Variants in PCLO observed in about 807,000 individuals in gnomAD.
PCLO encodes the protein piccolo presynaptic cytomatrix protein, also known as protein piccolo.
PCLO carries 82 observed loss-of-function variants against 427.5 expected under a neutral mutation model. That is an observed-to-expected ratio of 0.19 (90% CI 0.16 to 0.23). PCLO has a LOEUF of 0.23. Ranked by LOEUF, PCLO falls within the 10% of genes least tolerant of loss-of-function variation. PCLO has a pLI of 1.00. For missense variants in PCLO, 6,239 were observed against 6,115.9 expected (o/e 1.02, Z -0.67); for synonymous variants, 2,357 against 2,155.4 (o/e 1.09, Z -2.59).
chr7:83,071,423 C>A (rs1463697475), intron 3 of PCLO, among the ~76,000 whole-genome samples: 1 of 152,252 alleles, frequency 6.6e-6, no homozygotes, highest in African/African-American at 2.4e-5. Flanking sequence ...TGAATGTATT[C>A]ATTGCACTTG....
intron 3 of PCLO, among the ~76,000 whole-genome samples, chr7:82,992,396 C>G (rs1318399224): frequency 6.6e-6 from 1 of 151,952 alleles, no homozygotes; most frequent in Non-Finnish European, 1.5e-5. Flanking sequence ...GAAATGATGA[C>G]CAAAAGTTGT....
intron 6 of PCLO, among the ~76,000 whole-genome samples, chr7:82,944,667 A>G: frequency 6.6e-6 from 1 of 152,208 alleles, no homozygotes; most frequent in East Asian, 1.9e-4. Context: ...AATATGAAAG[A>G]TACAGTTACC....
At chr7:82,894,561 C>G (rs535672006) in intron 9 of PCLO, 1 of 152,226 alleles carries the variant, frequency 6.6e-6, no homozygotes, top group African/African-American at 2.4e-5. Context: ...ACGAGAAAAA[C>G]TCGCCCCCAT....
rs193235215 is a variant in PCLO at position 82,984,633 on chromosome 7, C to T, written c.3301-18146G>A. Among the ~76,000 whole-genome samples the T allele has an allele frequency of 9.9e-5, 15 of 151,970 alleles. No homozygotes were observed. In the East Asian group the frequency reaches 2.5e-3, roughly 25 times the overall value. On this transcript the variant is annotated intron_variant, in intron 3 of 24. Coordinates refer to ENST00000333891, the MANE Select transcript of PCLO (RefSeq NM_033026.6). ...ACTATGAGCTTTAACTTGCCTGTTTCGTTATTTTGTTTATTTGTTTTTCAC... is the reference window on the plus strand; with the variant it reads ...ACTATGAGCTTTAACTTGCCTGTTTTGTTATTTTGTTTATTTGTTTTTCAC...
rs150885555 is a variant in PCLO, at chr7:83,088,913, A to C, written c.3300+45337T>G. Among the ~76,000 whole-genome samples, 39 of 152,312 alleles carry C rather than the reference A, an allele frequency of 2.6e-4. No homozygotes were observed. The East Asian group carries it at 6.8e-3, about 26-fold the overall frequency. ...ATCTTTTGAAAAATCAAAAGTGATC[A>C]TAAAAATCCCTAGTGAAAAATCCTT... On this transcript the variant is annotated intron_variant, in intron 3 of 24. Transcript: ENST00000333891.
intron 20 of PCLO, among the ~76,000 whole-genome samples, chr7:82,818,366 G>A (rs1791719473): frequency 6.6e-6 from 1 of 152,118 alleles, no homozygotes; most frequent in African/African-American, 2.4e-5. Context: ...TGATAGAAAT[G>A]CCTACAGATG....
At chr7:82,951,758 A>G in intron 5 of PCLO, 98 bp downstream of exon 5, 2 of 1,472,154 alleles carry the variant, frequency 1.4e-6, no homozygotes, top group Non-Finnish European at 1.8e-6. Context: ...GAGAAAAAGT[A>G]ACAAAACTGG....
intron 22 of PCLO, among the ~76,000 whole-genome samples, chr7:82,776,885 T>G (rs1035804553): frequency 2.7e-5 from 4 of 150,774 alleles, no homozygotes; most frequent in Admixed American, 6.6e-5. Flanking sequence ...TACATATATG[T>G]GTGTGTATAT....
intron 9 of PCLO, among the ~76,000 whole-genome samples, chr7:82,884,716 G>A (rs1793589627): frequency 6.6e-6 from 1 of 152,130 alleles, no homozygotes; most frequent in East Asian, 1.9e-4. Flanking sequence ...CACAAAATTG[G>A]AAAATAGGGT....
chr7:82,783,329 A>C (rs949252192), intron 22 of PCLO, among the ~76,000 whole-genome samples: 1 of 152,206 alleles, frequency 6.6e-6, no homozygotes, highest in Non-Finnish European at 1.5e-5. Flanking sequence ...ATTGCACCCT[A>C]GAGGGCCGGG....
rs1345963651 is a variant in PCLO at position 83,135,398 on chromosome 7, C to A, written c.2152G>T (p.Ala718Ser). The A allele has an allele frequency of 6.2e-7, 1 of 1,613,880 alleles. No homozygotes were observed. The highest frequency in any genetic ancestry group is 8.5e-7 in the Non-Finnish European group (1 of 1,179,872). The change falls in exon 3 of 25, where the codon GCC (alanine) becomes TCC (serine). Residue 718 changes from alanine (A) to serine (S), a missense_variant. By Grantham distance (99) the Ala-to-Ser change is moderately conservative. Transcript: ENST00000333891. The part of the protein sequence containing the change: ...KQPTLHGSPS[A>S]KAKQPPEADS... The stretch of plus-strand genomic sequence containing the variant: ...GCCTCAGGGGGCTGCTTGGCCTTGG[C>A]TGAAGGAGAGCCATGAAGGGTTGGT...
At chr7:82,959,971 T>C (rs1320274759) in intron 4 of PCLO, among the ~76,000 whole-genome samples, 1 of 152,128 alleles carries the variant, frequency 6.6e-6, no homozygotes, top group East Asian at 1.9e-4. Context: ...TGGTGGTGTA[T>C]CTTGAGGCCT....
chr7:83,028,860 G>A (rs62458590), intron 3 of PCLO, among the ~76,000 whole-genome samples: 1,632 of 151,820 alleles, frequency 0.011, 15 homozygotes, highest in Middle Eastern at 0.041. Context: ...AATGGGTAAC[G>A]GATTCCCTAT....
chr7:82,827,829 T>A, intron 17 of PCLO, 44 bp downstream of exon 17: 1 of 1,074,994 alleles, frequency 9.3e-7, no homozygotes, highest in South Asian at 1.3e-5. Flanking sequence ...ATCACTGTAC[T>A]TATATTAGCC....
At chr7:83,025,246 G>C (rs1788461069) in intron 3 of PCLO, among the ~76,000 whole-genome samples, 1 of 152,032 alleles carries the variant, frequency 6.6e-6, no homozygotes, top group African/African-American at 2.4e-5. Context: ...AACCAATACA[G>C]AGAAGTGCTT....
At chr7:83,112,769 T>A (rs2116529966) in intron 3 of PCLO, among the ~76,000 whole-genome samples, 1 of 152,272 alleles carries the variant, frequency 6.6e-6, no homozygotes, top group East Asian at 1.9e-4. Flanking sequence ...GCTCATTAAA[T>A]AAGTAAAAAT....
chr7:83,073,440 C>T (rs375381456), intron 3 of PCLO, among the ~76,000 whole-genome samples: 5 of 151,982 alleles, frequency 3.3e-5, no homozygotes, highest in South Asian at 4.2e-4. Flanking sequence ...AGCCTACTGC[C>T]TTGTAGAGAA....
At position 82,952,953 on chromosome 7, in the gene PCLO, G is replaced by A; in HGVS notation, c.8000C>T (p.Thr2667Ile). The A allele has an allele frequency of 5.0e-6, 8 of 1,613,898 alleles. No homozygotes were observed. The highest frequency in any genetic ancestry group is 6.8e-6 in the Non-Finnish European group (8 of 1,179,834). Residue 2667 changes from threonine (T) to isoleucine (I), a missense_variant, in exon 5 of 25, where the codon ACA becomes ATA. By Grantham distance (89) the Thr-to-Ile change is moderately conservative. Around this residue, in one of 5 missense-constraint regions of PCLO, gnomAD observed 4,677 missense variants for 4,468.4 expected, o/e 1.05. Coordinates refer to ENST00000333891, the MANE Select transcript of PCLO (RefSeq NM_033026.6). ...SSFQAAPTSV[T>I]QFLTTEVSKT... The stretch of plus-strand genomic sequence containing the variant: ...GGAAACTTCAGTAGTGAGAAACTGT[G>A]TAACTGATGTGGGAGCTGCTTGAAA...
intron 3 of PCLO, among the ~76,000 whole-genome samples, chr7:82,980,271 G>C (rs76828453): frequency 0.051 from 7,723 of 152,178 alleles, 306 homozygotes; most frequent in East Asian, 0.19. Context: ...ACAGAAACAT[G>C]TGGAATGCTT....
Sources: allele counts gnomAD v4.1 joint callset (sites outside exome capture counted in the v4.1 genomes callset), GRCh38; gene constraint gnomAD v4.1.1; regional missense constraint gnomAD v4.1.1; transcripts MANE v1.5; gene names NCBI Gene and HGNC (gene_info 2026-07-23, HGNC 2026-07-21).